Variants in RAB31 observed in about 807,000 individuals in gnomAD.
The protein encoded by RAB31 is ras-related protein Rab-31.
Under a neutral mutation model 25.6 loss-of-function variants are expected in RAB31, and 21 were observed. The ratio of observed to expected loss-of-function variants is 0.82; its 90% confidence interval spans 0.58 to 1.18. RAB31 has a LOEUF of 1.18. Ranked by LOEUF, RAB31 falls within the 50% of genes most tolerant of loss-of-function variation. The pLI, the probability that RAB31 is intolerant of heterozygous loss-of-function variation, is 0.00. For missense variants in RAB31, 196 were observed against 250.1 expected, an observed-to-expected ratio of 0.78 and a Z score of 1.46; for synonymous variants, 87 against 84.0, an observed-to-expected ratio of 1.04 and a Z score of -0.20.
At chr18:9,777,896 A>G (rs896740177) in intron 2 of RAB31, among the ~76,000 whole-genome samples, 2 of 151,896 alleles carry the variant, frequency 1.3e-5, no homozygotes, top group Admixed American at 1.3e-4. Context: ...CTGGGATTAC[A>G]GGTGCCCGCC....
At chr18:9,771,705 G>A (rs1568174864) in intron 1 of RAB31, among the ~76,000 whole-genome samples, 1 of 152,344 alleles carries the variant, frequency 6.6e-6, no homozygotes, top group East Asian at 1.9e-4. Context: ...CGCCCCTGGA[G>A]GTCGGGAACT....
intron 6 of RAB31, among the ~76,000 whole-genome samples, chr18:9,846,303 T>G (rs1467478690): frequency 1.3e-5 from 2 of 152,206 alleles, no homozygotes; most frequent in Non-Finnish European, 2.9e-5. Flanking sequence ...CAGAGCTGGT[T>G]CCCAGCTAAT....
chr18:9,853,424 C>T (rs1271927255), intron 6 of RAB31, among the ~76,000 whole-genome samples: 3 of 152,004 alleles, frequency 2.0e-5, no homozygotes, highest in African/African-American at 7.3e-5. Context: ...GTGAAAGGAG[C>T]CAATCTGAAA....
chr18:9,859,618 T>A lies in RAB31; in HGVS notation c.*293T>A, dbSNP rs2068837415. 1 of 268,936 alleles carries A rather than the reference T, an allele frequency of 3.7e-6. No individual in the cohort carries two copies. The highest frequency in any genetic ancestry group is 7.0e-6 in the Non-Finnish European group (1 of 143,434). 16.7% of individuals were successfully genotyped at this position (268,936 alleles called of 1,614,324 possible). ...AAAAAAAAAAAACCTTTAAAAATTG[T>A]TGGATGTGTACAAAAGTCTTACTGC... is the stretch of plus-strand genomic sequence containing the variant. On this transcript the variant is annotated 3_prime_UTR_variant, in exon 7 of 7. Coordinates refer to ENST00000578921, the MANE Select transcript of RAB31 (RefSeq NM_006868.4).
At position 9,799,198 on chromosome 18, in the gene RAB31, T is replaced by C. The variant is rs1034021325; in HGVS notation, c.201+6963T>C. On this transcript the variant is annotated intron_variant, in intron 3 of 6. Coordinates refer to ENST00000578921, the MANE Select transcript of RAB31 (RefSeq NM_006868.4). The stretch of plus-strand genomic sequence containing the variant: ...TCCCAAAGTGTTGGGATTATAGGCG[T>C]GAGCCACCAAGCCTGGCCAAAGACA... Among the ~76,000 whole-genome samples the C allele has an allele frequency of 2.6e-5, 4 of 152,210 alleles. No individual in the cohort carries two copies. The East Asian group carries it at 7.7e-4, about 29-fold the overall frequency.
intron 2 of RAB31, among the ~76,000 whole-genome samples, chr18:9,784,098 A>G (rs1031863769): frequency 1.3e-5 from 2 of 152,112 alleles, no homozygotes; most frequent in African/African-American, 2.4e-5. Flanking sequence ...GTGCAGTGGC[A>G]CAATCATGGC....
intron 1 of RAB31, among the ~76,000 whole-genome samples, chr18:9,713,369 C>T (rs940212597): frequency 5.3e-5 from 8 of 152,236 alleles, no homozygotes; most frequent in Admixed American, 3.9e-4. Flanking sequence ...CAACTGATTC[C>T]TCTACTAAAT....
At position 9,861,141 on chromosome 18, in the gene RAB31, G is replaced by A. The variant is rs1485934291; in HGVS notation, c.*1816G>A. 2 of 151,152 alleles carry A rather than the reference G, an allele frequency of 1.3e-5. No homozygotes were observed. Among genetic ancestry groups the A allele is most frequent in the African/African-American group, 2.4e-5 (1 of 41,114 alleles). The allele number at this position is 151,152 out of a possible 1,614,324, so 9.4% of individuals were successfully genotyped here. On this transcript the variant is annotated 3_prime_UTR_variant, in exon 7 of 7. Transcript: ENST00000578921. The stretch of plus-strand genomic sequence containing the variant: ...AAAAAAATGAGTTGAAAATTGAAGT[G>A]ACCTCTTTCCAGCTGAGTTGCAGGC...
intron 6 of RAB31, among the ~76,000 whole-genome samples, chr18:9,854,264 C>T (rs923273177): frequency 3.3e-5 from 5 of 151,744 alleles, no homozygotes; most frequent in African/African-American, 7.3e-5. Context: ...TTGCTGAGAA[C>T]GTGGAGGGGA....
intron 1 of RAB31, among the ~76,000 whole-genome samples, chr18:9,735,802 T>G (rs376685026): frequency 6.6e-6 from 1 of 152,222 alleles, no homozygotes; most frequent in South Asian, 2.1e-4. Flanking sequence ...CATTATCATT[T>G]TGATGTAGAA....
chr18:9,852,900 G>T (rs562581553), intron 6 of RAB31, among the ~76,000 whole-genome samples: 1 of 152,156 alleles, frequency 6.6e-6, no homozygotes, highest in African/African-American at 2.4e-5. Context: ...GCTTGGTACC[G>T]TCGGTTTGTA....
intron 6 of RAB31, among the ~76,000 whole-genome samples, chr18:9,849,210 G>A (rs769914197): frequency 1.3e-5 from 2 of 151,998 alleles, no homozygotes; most frequent in Non-Finnish European, 1.5e-5. Context: ...CTGCCATTTT[G>A]ACACTTAAAC....
At chr18:9,779,535 G>T (rs948216488) in intron 2 of RAB31, among the ~76,000 whole-genome samples, 3 of 152,224 alleles carry the variant, frequency 2.0e-5, no homozygotes, top group Non-Finnish European at 4.4e-5. Flanking sequence ...GGGAAACTGA[G>T]TCAGGCTGCC....
intron 5 of RAB31, among the ~76,000 whole-genome samples, chr18:9,820,961 G>A (rs545853298): frequency 4.6e-5 from 7 of 151,696 alleles, no homozygotes; most frequent in South Asian, 2.1e-4. Flanking sequence ...TTTCTGGTTC[G>A]CTAAGGAGAA....
At chr18:9,826,249 G>A (rs564862183) in intron 5 of RAB31, among the ~76,000 whole-genome samples, 47 of 152,022 alleles carry the variant, frequency 3.1e-4, no homozygotes, top group Admixed American at 8.5e-4. Context: ...GGTGGCACAC[G>A]CCTGTAATCC....
At chr18:9,744,051 C>T (rs991530374) in intron 1 of RAB31, among the ~76,000 whole-genome samples, 1 of 152,230 alleles carries the variant, frequency 6.6e-6, no homozygotes, top group Admixed American at 6.5e-5. Context: ...TTTTATTTAG[C>T]GGTGGAGTTG....
intron 6 of RAB31, among the ~76,000 whole-genome samples, chr18:9,852,416 C>T (rs78507779): frequency 0.018 from 2,745 of 152,284 alleles, 86 homozygotes; most frequent in African/African-American, 0.063. Context: ...CATTTGTTTA[C>T]ATCAGAATGG....
chr18:9,771,956 CT>C (rs1333591267), intron 1 of RAB31, among the ~76,000 whole-genome samples: 1 of 152,120 alleles, frequency 6.6e-6, no homozygotes, highest in African/African-American at 2.4e-5. Context: ...GTGCTTATAT[CT>C]AAATTTGAGC....
At chr18:9,817,319 A>T (rs1404256349) in intron 5 of RAB31, among the ~76,000 whole-genome samples, 1 of 152,166 alleles carries the variant, frequency 6.6e-6, no homozygotes, top group Non-Finnish European at 1.5e-5. Flanking sequence ...TTTAAACTTG[A>T]ATGGTATCAC....
Sources: allele counts gnomAD v4.1 joint callset (sites outside exome capture counted in the v4.1 genomes callset), GRCh38; gene constraint gnomAD v4.1.1; transcripts MANE v1.5; gene names NCBI Gene and HGNC (gene_info 2026-07-23, HGNC 2026-07-21).